LRFN5: variants seen among roughly 807,000 people sequenced by gnomAD.
LRFN5 encodes the protein leucine rich repeat and fibronectin type III domain containing 5.
LRFN5 carries 24 observed loss-of-function variants against 45.6 expected under a neutral mutation model. That is an observed-to-expected ratio of 0.53 (90% CI 0.38 to 0.74). The LOEUF (loss-of-function observed/expected upper bound fraction) is 0.74, where lower values mean the gene tolerates loss of function less well. Ranked by LOEUF, LRFN5 falls within the 30% of genes least tolerant of loss-of-function variation. The probability of loss-of-function intolerance (pLI) is 0.00; values close to 1 mark genes in which losing one functional copy is unlikely to be tolerated. For synonymous variants in LRFN5, 340 were observed against 313.8 expected, an observed-to-expected ratio of 1.08 and a Z score of -0.88; for missense variants, 776 against 861.5, an observed-to-expected ratio of 0.90 and a Z score of 1.24.
At chr14:41,714,503 G>C (rs994735146) in intron 1 of LRFN5, among the ~76,000 whole-genome samples, 2 of 152,114 alleles carry the variant, frequency 1.3e-5, no homozygotes, top group African/African-American at 4.8e-5. Flanking sequence ...TTGCTGTAGT[G>C]AACTGGTAAG....
rs1886321697 is a variant in LRFN5, at chr14:41,777,134, AG to A, written c.-21+10106del. ...TGTCTCAATAGATTGTGGAATAAAT[AG>A]CTACTTCCATTTCTCTTCAAAATTG... On this transcript the variant is annotated intron_variant, in intron 2 of 5. Transcript: ENST00000298119. Among the ~76,000 whole-genome samples, 4 of 152,052 alleles carry A rather than the reference AG, an allele frequency of 2.6e-5. 1 individual carries two copies. The South Asian group carries it at 8.3e-4, about 32-fold the overall frequency.
chr14:41,713,692 A>G (rs762468908), intron 1 of LRFN5, among the ~76,000 whole-genome samples: 2 of 152,128 alleles, frequency 1.3e-5, no homozygotes, highest in Non-Finnish European at 2.9e-5. Context: ...TTTCAAATAT[A>G]CCATATTGGC....
intron 1 of LRFN5, among the ~76,000 whole-genome samples, chr14:41,628,710 A>G (rs1025389901): frequency 6.6e-6 from 1 of 152,196 alleles, no homozygotes; most frequent in African/African-American, 2.4e-5. Context: ...CCAAGCATTC[A>G]TTGATTAAAT....
At chr14:41,798,444 T>G (rs535665663) in intron 2 of LRFN5, among the ~76,000 whole-genome samples, 40 of 152,122 alleles carry the variant, frequency 2.6e-4, no homozygotes, top group African/African-American at 9.6e-4. Flanking sequence ...AGTTGCTGTG[T>G]GCTGGCTATG....
intron 2 of LRFN5, among the ~76,000 whole-genome samples, chr14:41,767,592 C>A (rs535869314): frequency 1.3e-5 from 2 of 151,866 alleles, no homozygotes; most frequent in Non-Finnish European, 2.9e-5. Context: ...TTTATGCCAG[C>A]CTTTAAATGT....
At position 41,819,019 on chromosome 14, in the gene LRFN5, C is replaced by T. The variant is rs191034208; in HGVS notation, c.-21+51990C>T. On this transcript the variant is annotated intron_variant, in intron 2 of 5. Transcript: ENST00000298119. ...TTGGCTGTGTTTTTGAGTTATTTTA[C>T]TTAAGATAATAGCCTCCAGTTCTGT... Among the ~76,000 whole-genome samples the T allele has an allele frequency of 5.3e-5, 8 of 152,248 alleles. No individual in the cohort carries two copies. In the East Asian group the frequency reaches 1.4e-3, roughly 26 times the overall value.
intron 1 of LRFN5, among the ~76,000 whole-genome samples, chr14:41,749,573 A>G (rs1222035220): frequency 6.6e-6 from 1 of 152,116 alleles, no homozygotes; most frequent in Admixed American, 6.6e-5. Context: ...GGAACAGAAA[A>G]CCAAATACTG....
At chr14:41,621,649 G>A (rs75145982) in intron 1 of LRFN5, among the ~76,000 whole-genome samples, 96 of 152,160 alleles carry the variant, frequency 6.3e-4, no homozygotes, top group African/African-American at 2.3e-3. Flanking sequence ...CTGGAAAATA[G>A]GGTTGTATCA....
chr14:41,787,159 G>T (rs1195064341), intron 2 of LRFN5, among the ~76,000 whole-genome samples: 1 of 151,798 alleles, frequency 6.6e-6, no homozygotes, highest in East Asian at 1.9e-4. Context: ...ATATTTTCTT[G>T]CTTCTGTTCC....
chr14:41,637,674 G>A (rs1020533489), intron 1 of LRFN5, among the ~76,000 whole-genome samples: 1 of 152,064 alleles, frequency 6.6e-6, no homozygotes, highest in Non-Finnish European at 1.5e-5. Context: ...TTATTTGGAG[G>A]TCATTAATAT....
chr14:41,766,010 A>T (rs564539880), intron 1 of LRFN5, among the ~76,000 whole-genome samples: 1 of 152,280 alleles, frequency 6.6e-6, no homozygotes, highest in South Asian at 2.1e-4. Flanking sequence ...TTGCTGTTTC[A>T]TCTTAGGTCT....
At position 41,876,277 on chromosome 14, in the gene LRFN5, C is replaced by CTTTTTTTTTT. The variant is rs34291427; in HGVS notation, c.-20-10317_-20-10308dup. On this transcript the variant is annotated intron_variant, in intron 2 of 5. Transcript: ENST00000298119. ...GGAATGCGTAATTGTCTTTTTCTTT[C>CTTTTTTTTTT]TTTTTTTTTTTTTTTTTTTTTGAGA... Among the ~76,000 whole-genome samples the CTTTTTTTTTT allele has an allele frequency of 4.0e-4, 40 of 100,596 alleles. 2 individuals carry two copies. Among genetic ancestry groups the CTTTTTTTTTT allele is most frequent in the Non-Finnish European group, 5.6e-4 (29 of 52,158 alleles). The allele number at this position is 100,596 out of a possible 152,430, so 66.0% of individuals were successfully genotyped here.
intron 1 of LRFN5, among the ~76,000 whole-genome samples, chr14:41,736,272 T>C (rs1884426593): frequency 6.6e-6 from 1 of 152,178 alleles, no homozygotes; most frequent in Admixed American, 6.5e-5. Context: ...CATCCATTGT[T>C]TCCTGACTTT....
At chr14:41,823,464 T>C (rs1888195149) in intron 2 of LRFN5, among the ~76,000 whole-genome samples, 1 of 151,516 alleles carries the variant, frequency 6.6e-6, no homozygotes, top group South Asian at 2.1e-4. Context: ...GGACTGAAAA[T>C]AGGATCCTAA....
chr14:41,615,581 A>G (rs1428583248), intron 1 of LRFN5, among the ~76,000 whole-genome samples: 1 of 152,132 alleles, frequency 6.6e-6, no homozygotes, highest in African/African-American at 2.4e-5. Context: ...ATTTTTGCTG[A>G]AGCATGACAA....
At chr14:41,635,986 C>G (rs1031573414) in intron 1 of LRFN5, among the ~76,000 whole-genome samples, 3 of 152,088 alleles carry the variant, frequency 2.0e-5, no homozygotes, top group African/African-American at 7.2e-5. Flanking sequence ...TGTTTGGGGT[C>G]TATTTCATTC....
chr14:41,760,661 A>G (rs1594684375), intron 1 of LRFN5, among the ~76,000 whole-genome samples: 1 of 152,086 alleles, frequency 6.6e-6, no homozygotes, highest in East Asian at 1.9e-4. Context: ...TTAACATGCA[A>G]AGGAGGAATA....
rs1887509414 is a variant in LRFN5, at chr14:41,607,010, C to G, written c.-1749C>G. ...CGGCCGCGGCCGCAGCCCCGGACCT[C>G]GGCTGCTTGCCTCGCGCCTGAACTG... On this transcript the variant is annotated 5_prime_UTR_variant, in exon 1 of 6. Coordinates refer to ENST00000298119, the MANE Select transcript of LRFN5 (RefSeq NM_152447.5). 2.0e-5 allele frequency among the ~76,000 whole-genome samples: 3 copies of G among 152,100 alleles called. No individual in the cohort carries two copies. The highest frequency in any genetic ancestry group is 2.0e-4 in the Admixed American group (3 of 15,278).
chr14:41,902,784 T>A (rs994747971), intron 5 of LRFN5, among the ~76,000 whole-genome samples: 3 of 151,826 alleles, frequency 2.0e-5, no homozygotes, highest in Admixed American at 2.0e-4. Flanking sequence ...ACTTGACCTT[T>A]GATATAGTAT....
Sources: allele counts gnomAD v4.1 joint callset (sites outside exome capture counted in the v4.1 genomes callset), GRCh38; gene constraint gnomAD v4.1.1; transcripts MANE v1.5; gene names NCBI Gene and HGNC (gene_info 2026-07-23, HGNC 2026-07-21).